NRCAM: variants seen among roughly 807,000 people sequenced by gnomAD.
NRCAM encodes neuronal cell adhesion molecule.
In NRCAM, 83 loss-of-function variants were observed where a neutral mutation model predicts 156.5. The ratio of observed to expected loss-of-function variants is 0.53; its 90% CI spans 0.44 to 0.64. The LOEUF (loss-of-function observed/expected upper bound fraction) is 0.64. Ranked by LOEUF, NRCAM falls within the 30% of genes least tolerant of loss-of-function variation. The pLI, the probability that NRCAM is intolerant of heterozygous loss-of-function variation, is 0.00. For missense variants in NRCAM, 1,417 were observed against 1,597.3 expected (o/e 0.89, Z 1.92); for synonymous variants, 538 against 563.9 (o/e 0.95, Z 0.65).
intron 3 of NRCAM, among the ~76,000 whole-genome samples, chr7:108,242,847 T>C (rs1446264559): frequency 1.3e-5 from 2 of 152,188 alleles, no homozygotes; most frequent in Non-Finnish European, 2.9e-5. Flanking sequence ...CTGTTGTAAG[T>C]TCTTCATGTA....
intron 6 of NRCAM, 73 bp from the exon 7 acceptor site, chr7:108,232,595 G>C (rs921666939): frequency 9.9e-7 from 1 of 1,008,378 alleles, no homozygotes; most frequent in Non-Finnish European, 1.4e-6. Flanking sequence ...ATTCCTAGCA[G>C]TTTTATGGGT....
At chr7:108,285,457 T>C (rs914792872) in intron 3 of NRCAM, among the ~76,000 whole-genome samples, 6 of 152,236 alleles carry the variant, frequency 3.9e-5, no homozygotes. Flanking sequence ...AATGGATATT[T>C]GATCTGGTCA....
intron 2 of NRCAM, among the ~76,000 whole-genome samples, chr7:108,312,971 C>T (rs1016156526): frequency 6.6e-6 from 1 of 152,090 alleles, no homozygotes; most frequent in African/African-American, 2.4e-5. Context: ...GGATTCCAGC[C>T]TAGAGAATCA....
intron 2 of NRCAM, among the ~76,000 whole-genome samples, chr7:108,321,383 T>C (rs1436959758): frequency 6.6e-6 from 1 of 152,178 alleles, no homozygotes; most frequent in Non-Finnish European, 1.5e-5. Context: ...GGGGAACCAG[T>C]GTGTCACCTG....
chr7:108,181,917 T>G lies in NRCAM; in HGVS notation c.2551A>C (p.Asn851His), dbSNP rs2063701543. 4 of 1,613,960 alleles carry G rather than the reference T, an allele frequency of 2.5e-6. No homozygotes were observed. The highest frequency in any genetic ancestry group is 3.4e-6 in the Non-Finnish European group (4 of 1,179,894). The change falls in exon 24 of 33, where the codon AAC becomes CAC. Residue 851 changes from asparagine to histidine, a missense_variant. Transcript: ENST00000379028. The stretch of plus-strand genomic sequence containing the variant: ...CTGTTCACCACATTCACACGCACGT[T>G]CCCAGGAGCCACCATTGGGACTAGG... The part of the protein sequence containing the change: ...GEDLPMVAPG[N>H]VRVNVVNSTL...
At chr7:108,403,155 A>G (rs2099797829) in intron 1 of NRCAM, among the ~76,000 whole-genome samples, 1 of 152,194 alleles carries the variant, frequency 6.6e-6, no homozygotes, top group Non-Finnish European at 1.5e-5. Context: ...TTACAGCTAC[A>G]TTTCAGACTG....
chr7:108,180,523 C>T lies in NRCAM; in HGVS notation c.2647-96G>A, dbSNP rs139552338. The T allele has an allele frequency of 2.1e-3, 2,071 of 983,662 alleles. 26 individuals carry two copies. In the African/African-American group the frequency reaches 0.025, roughly 12 times the overall value. 60.9% of individuals were successfully genotyped at this position (983,662 alleles called of 1,614,324 possible). ...AAACTGTTGTTTTTCCAGAAAATTC[C>T]GTTGGTATATTTTAGAAGAAAATTA... On this transcript the variant is annotated intron_variant, in intron 24 of 32. Coordinates refer to ENST00000379028, the MANE Select transcript of NRCAM (RefSeq NM_001037132.4).
At chr7:108,393,010 G>T (rs897898176) in intron 2 of NRCAM, among the ~76,000 whole-genome samples, 1 of 152,172 alleles carries the variant, frequency 6.6e-6, no homozygotes, top group Non-Finnish European at 1.5e-5. Flanking sequence ...CTACTCGGAG[G>T]TCAGGGACCC....
intron 13 of NRCAM, chr7:108,207,256 CCT>C (rs2081643144): frequency 3.7e-6 from 1 of 270,062 alleles, no homozygotes; most frequent in East Asian, 7.9e-5. Context: ...TATTTCTGAC[CCT>C]GTCATTCTTC....
intron 23 of NRCAM, among the ~76,000 whole-genome samples, chr7:108,182,173 G>T (rs1232664299): frequency 1.3e-5 from 2 of 151,282 alleles, no homozygotes; most frequent in Non-Finnish European, 2.9e-5. Flanking sequence ...TGACTCAAGG[G>T]ATCCTCCCAC....
At chr7:108,298,250 T>A (rs944382590) in intron 3 of NRCAM, among the ~76,000 whole-genome samples, 4 of 152,042 alleles carry the variant, frequency 2.6e-5, no homozygotes, top group African/African-American at 9.7e-5. Flanking sequence ...GAAATTATTA[T>A]AATCTAAGCA....
chr7:108,439,599 A>C (rs1836196982), intron 1 of NRCAM, among the ~76,000 whole-genome samples: 1 of 152,146 alleles, frequency 6.6e-6, no homozygotes, highest in Non-Finnish European at 1.5e-5. Context: ...TTACGCCTGT[A>C]ATCTCAGCAC....
chr7:108,344,869 A>G (rs899605808), intron 2 of NRCAM, among the ~76,000 whole-genome samples: 2 of 152,214 alleles, frequency 1.3e-5, no homozygotes, highest in African/African-American at 2.4e-5. Context: ...CCTTATTTCC[A>G]AACAAAAATA....
intron 2 of NRCAM, among the ~76,000 whole-genome samples, chr7:108,349,998 G>A (rs532263686): frequency 7.9e-5 from 12 of 152,182 alleles, no homozygotes; most frequent in Middle Eastern, 3.4e-3. Flanking sequence ...CGGTGATCAC[G>A]CTTCACCCAA....
At chr7:108,417,239 A>C (rs988412765) in intron 1 of NRCAM, among the ~76,000 whole-genome samples, 1 of 152,248 alleles carries the variant, frequency 6.6e-6, no homozygotes, top group African/African-American at 2.4e-5. Context: ...CTGTTATAAC[A>C]GAAAACCTGA....
chr7:108,357,626 C>T (rs557744653), intron 2 of NRCAM, among the ~76,000 whole-genome samples: 23 of 151,990 alleles, frequency 1.5e-4, no homozygotes, highest in African/African-American at 4.1e-4. Flanking sequence ...CCACCGGGCC[C>T]GGCCAAGTGG....
intron 2 of NRCAM, among the ~76,000 whole-genome samples, chr7:108,354,115 T>A (rs918152718): frequency 6.6e-6 from 1 of 152,122 alleles, no homozygotes; most frequent in Admixed American, 6.5e-5. Context: ...AGCTCCCAAT[T>A]CCACTATATA....
chr7:108,357,949 G>A (rs1275587805), intron 2 of NRCAM, among the ~76,000 whole-genome samples: 2 of 151,888 alleles, frequency 1.3e-5, no homozygotes, highest in Non-Finnish European at 2.9e-5. Flanking sequence ...ATATGGTAGG[G>A]AGGGTGGGGA....
At chr7:108,273,312 G>A (rs144082985) in intron 3 of NRCAM, among the ~76,000 whole-genome samples, 2 of 152,134 alleles carry the variant, frequency 1.3e-5, no homozygotes, top group Non-Finnish European at 2.9e-5. Flanking sequence ...AGATCCTTGA[G>A]GAATCGCCAC....
Sources: allele counts gnomAD v4.1 joint callset (sites outside exome capture counted in the v4.1 genomes callset), GRCh38; gene constraint gnomAD v4.1.1; transcripts MANE v1.5; gene names NCBI Gene and HGNC (gene_info 2026-07-23, HGNC 2026-07-21).